MYO5B: variants seen among roughly 807,000 people sequenced by gnomAD.
MYO5B encodes myosin VB.
In MYO5B, 143 loss-of-function variants were observed where a neutral mutation model predicts 229.3. The observed-to-expected ratio is 0.62, with a 90% confidence interval of 0.54 to 0.72. MYO5B has a LOEUF of 0.72. Ranked by LOEUF, MYO5B falls within the 30% of genes least tolerant of loss-of-function variation. The pLI is 0.00. For missense variants in MYO5B, 2,321 were observed against 2,331.0 expected (o/e 1.00, Z 0.09); for synonymous variants, 918 against 885.2 (o/e 1.04, Z -0.66).
intron 5 of MYO5B, among the ~76,000 whole-genome samples, chr18:49,996,596 T>C (rs898801795): frequency 6.6e-6 from 1 of 152,192 alleles, no homozygotes; most frequent in Non-Finnish European, 1.5e-5. Flanking sequence ...ATCTTTTCGA[T>C]GCATACAGAA....
rs902581420 is a variant in MYO5B at position 49,847,255 on chromosome 18, G to A, written c.4350C>T (p.Arg1450=). ...AQALAQSERK[R]HELNRQVTVQ... is the part of the protein sequence containing the mutation. ...CCGTGACCTGCCTGTTGAGCTCATG[G>A]CGCTTCCTCTCACTCTGGGCCAATG... Residue 1450 remains arginine, a synonymous_variant, in exon 33 of 40, where the codon CGC becomes CGT. Transcript: ENST00000285039. 1 of 1,613,892 alleles carries A rather than the reference G, an allele frequency of 6.2e-7. No individual in the cohort carries two copies. The highest frequency in any genetic ancestry group is 1.7e-5 in the Admixed American group (1 of 60,024).
intron 13 of MYO5B, among the ~76,000 whole-genome samples, 199 bp from the exon 14 acceptor site, chr18:49,953,542 A>C (rs2025452141): frequency 6.6e-6 from 1 of 152,210 alleles, no homozygotes. Context: ...TTTGTGGAAG[A>C]AATTGTTTTA....
intron 1 of MYO5B, among the ~76,000 whole-genome samples, chr18:50,129,146 G>A (rs948283717): frequency 6.6e-6 from 1 of 152,230 alleles, no homozygotes; most frequent in Non-Finnish European, 1.5e-5. Context: ...TGGCCTGATG[G>A]ACGGAGAGGG....
chr18:49,989,829 T>A (rs924718128), intron 7 of MYO5B, among the ~76,000 whole-genome samples: 1 of 152,176 alleles, frequency 6.6e-6, no homozygotes, highest in Non-Finnish European at 1.5e-5. Flanking sequence ...GGAGAGGCAG[T>A]TTGGGTTGCT....
intron 10 of MYO5B, among the ~76,000 whole-genome samples, chr18:49,968,833 T>C (rs1271537499): frequency 2.0e-5 from 3 of 152,194 alleles, no homozygotes; most frequent in Non-Finnish European, 2.9e-5. Flanking sequence ...ACAGTTGCTA[T>C]AGAGGCCTGC....
chr18:50,011,605 G>C (rs2026161538), intron 4 of MYO5B, among the ~76,000 whole-genome samples: 1 of 152,004 alleles, frequency 6.6e-6, no homozygotes, highest in Non-Finnish European at 1.5e-5. Flanking sequence ...GGGAATCTGG[G>C]AACTGCCCGT....
intron 21 of MYO5B, among the ~76,000 whole-genome samples, chr18:49,901,946 C>T (rs2144142612): frequency 6.6e-6 from 1 of 152,336 alleles, no homozygotes; most frequent in East Asian, 1.9e-4. Context: ...GCCCCATACC[C>T]CACACAGCAA....
intron 6 of MYO5B, among the ~76,000 whole-genome samples, chr18:49,991,111 A>G (rs1352483713): frequency 6.6e-6 from 1 of 152,176 alleles, no homozygotes; most frequent in East Asian, 1.9e-4. Flanking sequence ...TCCAGGAAAG[A>G]GCCATGAGCA....
rs115452393 is a variant in MYO5B at position 49,852,433 on chromosome 18, G to C, written c.4221+1016C>G. ...TGACTTGCAGACAAAGAGAGGGAGA[G>C]AGAGGGAGGGAGGGAAGATCATGTG... On this transcript the variant is annotated intron_variant, in intron 31 of 39. Coordinates refer to ENST00000285039, the MANE Select transcript of MYO5B (RefSeq NM_001080467.3). 8.4e-3 allele frequency among the ~76,000 whole-genome samples: 1,275 copies of C among 152,358 alleles called. 12 individuals carry two copies. The highest frequency in any genetic ancestry group is 0.028 in the African/African-American group (1,178 of 41,584).
At chr18:50,083,803 C>G (rs952902019) in intron 1 of MYO5B, among the ~76,000 whole-genome samples, 1 of 152,172 alleles carries the variant, frequency 6.6e-6, no homozygotes, top group Admixed American at 6.5e-5. Context: ...TGTCACCAAC[C>G]TGATACCCAA....
intron 1 of MYO5B, among the ~76,000 whole-genome samples, chr18:50,155,512 C>T (rs977332388): frequency 6.6e-6 from 1 of 152,208 alleles, no homozygotes; most frequent in East Asian, 1.9e-4. Context: ...GAACAACCAT[C>T]ACTGCTTCTA....
intron 9 of MYO5B, among the ~76,000 whole-genome samples, chr18:49,978,458 G>T (rs984443214): frequency 6.6e-6 from 1 of 152,062 alleles, no homozygotes; most frequent in South Asian, 2.1e-4. Context: ...CCCCAGCCCT[G>T]GTTCTCATGC....
chr18:49,932,070 A>G (rs2025199503), intron 16 of MYO5B, among the ~76,000 whole-genome samples: 1 of 152,006 alleles, frequency 6.6e-6, no homozygotes, highest in African/African-American at 2.4e-5. Flanking sequence ...TTCTTCCAGG[A>G]CCTCCTACTG....
chr18:50,034,472 G>C (rs1397014130), intron 4 of MYO5B, among the ~76,000 whole-genome samples: 1 of 152,214 alleles, frequency 6.6e-6, no homozygotes, highest in Non-Finnish European at 1.5e-5. Flanking sequence ...AGTCGTGCGT[G>C]GTGGCTCACG....
At chr18:49,968,665 T>C (rs1056250635) in intron 10 of MYO5B, among the ~76,000 whole-genome samples, 7 of 151,834 alleles carry the variant, frequency 4.6e-5, no homozygotes, top group African/African-American at 1.2e-4. Context: ...CTTAAACGGG[T>C]CCTGTTAAGA....
intron 12 of MYO5B, among the ~76,000 whole-genome samples, chr18:49,956,919 G>A (rs968899025): frequency 6.6e-6 from 1 of 152,052 alleles, no homozygotes; most frequent in Non-Finnish European, 1.5e-5. Context: ...GGGCTGGAGG[G>A]GGGCAATGGA....
rs2024762265 is a variant in MYO5B, at chr18:49,895,052, G to C, written c.2934C>G (p.Ser978Arg). The C allele has an allele frequency of 6.2e-7, 1 of 1,613,968 alleles. No homozygotes were observed. The highest frequency in any genetic ancestry group is 1.3e-5 in the African/African-American group (1 of 74,938). The change falls in exon 22 of 40, where the codon AGC (serine) becomes AGG (arginine). Residue 978 changes from serine to arginine, a missense_variant. By Grantham distance (110) the Ser-to-Arg change is moderately radical. Coordinates refer to ENST00000285039, the MANE Select transcript of MYO5B (RefSeq NM_001080467.3). ...HYQQSPGEDT[S>R]LRLQEEVESL... ...TCTCCACCTCCTCCTGCAGCCTGAG[G>C]CTGGTGTCCTCACCTGGGCTCTGCT...
At chr18:50,006,111 A>C (rs2026098338) in intron 4 of MYO5B, among the ~76,000 whole-genome samples, 1 of 152,178 alleles carries the variant, frequency 6.6e-6, no homozygotes, top group Non-Finnish European at 1.5e-5. Context: ...GGACTTCCCA[A>C]GTGATACTGC....
intron 2 of MYO5B, among the ~76,000 whole-genome samples, chr18:50,044,999 G>T (rs138057697): frequency 1.5e-3 from 234 of 152,288 alleles, no homozygotes; most frequent in African/African-American, 5.3e-3. Flanking sequence ...CATGTGAAAA[G>T]AGGGAGAAAA....
Sources: allele counts gnomAD v4.1 joint callset (sites outside exome capture counted in the v4.1 genomes callset), GRCh38; gene constraint gnomAD v4.1.1; transcripts MANE v1.5; gene names NCBI Gene and HGNC (gene_info 2026-07-23, HGNC 2026-07-21).